Variants in BRAF observed in about 807,000 individuals in gnomAD.
BRAF encodes the protein serine/threonine-protein kinase B-raf.
BRAF carries 16 observed loss-of-function variants against 104.6 expected under a neutral mutation model. That is an observed-to-expected ratio of 0.15 (90% CI 0.10 to 0.23). BRAF has a LOEUF of 0.23. Ranked by LOEUF, BRAF falls within the 10% of genes least tolerant of loss-of-function variation. The probability of loss-of-function intolerance (pLI) is 1.00; values close to 1 mark genes in which losing one functional copy is unlikely to be tolerated. For synonymous variants in BRAF, 310 were observed against 341.6 expected (o/e 0.91, Z 1.02); for missense variants, 541 against 937.3 (o/e 0.58, Z 5.52).
chr7:140,789,967 C>T (rs528185992), intron 8 of BRAF, among the ~76,000 whole-genome samples: 5 of 152,192 alleles, frequency 3.3e-5, no homozygotes, highest in Non-Finnish European at 5.9e-5. Context: ...TGACCTCAGG[C>T]GATCCGCCTG....
intron 3 of BRAF, among the ~76,000 whole-genome samples, chr7:140,830,863 C>T (rs1331602500): frequency 2.6e-5 from 4 of 152,144 alleles, no homozygotes; most frequent in African/African-American, 7.2e-5. Flanking sequence ...TCTGGCTGTT[C>T]GTCTTTTACC....
In BRAF at chr7:140,924,391, A is replaced by C. The variant is rs1011854720; in HGVS notation, c.138+175T>G. Among the ~76,000 whole-genome samples the C allele has an allele frequency of 1.3e-5, 2 of 152,160 alleles. No individual in the cohort carries two copies. The highest frequency in any genetic ancestry group is 1.9e-4 in the East Asian group (1 of 5,162). On this transcript the variant is annotated intron_variant, in intron 1 of 19. Transcript: ENST00000644969. The surrounding 1 kb of genome is among the most constrained non-coding windows in gnomAD (Gnocchi z 4.2). Reference sequence around the variant, plus strand: ...GGCCATTGTGTGTGTTTACGTAGGAAGGCGCTGCATGACGGAGAGGGACAC... The same window carrying C: ...GGCCATTGTGTGTGTTTACGTAGGACGGCGCTGCATGACGGAGAGGGACAC...
chr7:140,819,817 T>C (rs143478807), intron 3 of BRAF, among the ~76,000 whole-genome samples: 9 of 152,222 alleles, frequency 5.9e-5, no homozygotes, highest in Non-Finnish European at 8.8e-5. Flanking sequence ...GGTGGTTACA[T>C]AGGGATGGGA....
intron 1 of BRAF, among the ~76,000 whole-genome samples, chr7:140,856,658 T>C (rs554173782): frequency 1.3e-5 from 2 of 152,190 alleles, no homozygotes; most frequent in African/African-American, 4.8e-5. Context: ...CTGAGAAAAT[T>C]AGCCAAAAGG....
chr7:140,837,396 A>G (rs577042786), intron 2 of BRAF, among the ~76,000 whole-genome samples: 1 of 152,344 alleles, frequency 6.6e-6, no homozygotes, highest in East Asian at 1.9e-4. Flanking sequence ...GTTCAAGGTC[A>G]ACATTAATCT....
intron 19 of BRAF, chr7:140,734,382 TG>T: frequency 2.1e-6 from 3 of 1,395,746 alleles, no homozygotes; most frequent in Non-Finnish European, 2.8e-6. Flanking sequence ...TTTTTAGCAA[TG>T]TCTATGTATT....
At chr7:140,897,528 G>A (rs1275574432) in intron 1 of BRAF, among the ~76,000 whole-genome samples, 14 of 111,152 alleles carry the variant, frequency 1.3e-4, no homozygotes, top group Non-Finnish European at 1.9e-4. Flanking sequence ...ACAGAGTCTT[G>A]CTCTGTCGCC....
At chr7:140,798,113 A>C (rs1302798076) in intron 7 of BRAF, among the ~76,000 whole-genome samples, 1 of 152,188 alleles carries the variant, frequency 6.6e-6, no homozygotes, top group African/African-American at 2.4e-5. Context: ...TGAAAATGTC[A>C]ACTGATTTTG....
In BRAF at chr7:140,723,242, C is replaced by T. The variant is rs1017176863; in HGVS notation, c.*3252G>A. 1.9e-6 allele frequency: 2 copies of T among 1,055,524 alleles called. No homozygotes were observed. The highest frequency in any genetic ancestry group is 5.3e-5 in the East Asian group (1 of 18,888). 65.4% of individuals were successfully genotyped at this position (1,055,524 alleles called of 1,614,324 possible). On this transcript the variant is annotated 3_prime_UTR_variant, in exon 20 of 20. Transcript: ENST00000644969. ...CCGCCTGGTGAATACAAGGTAACAT[C>T]CTGTGATGAAAGTGCTGTCACCGCA...
Position 140,924,721 on chromosome 7 carries a change from G to C in BRAF, c.-18C>G, listed in dbSNP as rs397507453. On this transcript the variant is annotated 5_prime_UTR_variant, in exon 1 of 20. Transcript: ENST00000644969. The surrounding 1 kb of genome is among the most constrained non-coding windows in gnomAD (Gnocchi z 4.2). ...GCCGCCATCTTATAACCGAGAGCCG[G>C]GGCCCGAGCGGCCGCTGTCGGGCGG... The C allele has an allele frequency of 8.3e-5, 72 of 870,246 alleles. No homozygotes were observed. The highest frequency in any genetic ancestry group is 1.0e-4 in the Non-Finnish European group (59 of 563,582). The allele number at this position is 870,246 out of a possible 1,614,324, so 53.9% of individuals were successfully genotyped here.
intron 8 of BRAF, among the ~76,000 whole-genome samples, chr7:140,792,289 C>T (rs1350509166): frequency 6.6e-6 from 1 of 152,050 alleles, no homozygotes; most frequent in Non-Finnish European, 1.5e-5. Context: ...CTCCACTCTA[C>T]CATCAAAGAT....
intron 1 of BRAF, among the ~76,000 whole-genome samples, chr7:140,911,139 G>C (rs552224450): frequency 6.6e-6 from 1 of 152,050 alleles, no homozygotes; most frequent in Non-Finnish European, 1.5e-5. Flanking sequence ...AGTCATTTAA[G>C]TATTAGACAG....
chr7:140,924,020 A>C lies in BRAF; in HGVS notation c.138+546T>G, dbSNP rs887889881. Among the ~76,000 whole-genome samples, 4 of 152,186 alleles carry C rather than the reference A, an allele frequency of 2.6e-5. No homozygotes were observed. The highest frequency in any genetic ancestry group is 5.9e-5 in the Non-Finnish European group (4 of 68,034). ...ATCAAAATAATTTGCTGGGTAAAAC[A>C]GGTGAAGAGAAATCCCCAAATAGAA... On this transcript the variant is annotated intron_variant, in intron 1 of 19. Coordinates refer to ENST00000644969, the MANE Select transcript of BRAF (RefSeq NM_001374258.1). The surrounding 1 kb of genome is among the most constrained non-coding windows in gnomAD (Gnocchi z 4.2).
chr7:140,798,810 T>G (rs1802778216), intron 7 of BRAF, among the ~76,000 whole-genome samples: 1 of 151,930 alleles, frequency 6.6e-6, no homozygotes, highest in Non-Finnish European at 1.5e-5. Flanking sequence ...GTGTCTTCCT[T>G]TTTATTTCCT....
chr7:140,735,271 C>G (rs959744482), intron 18 of BRAF, among the ~76,000 whole-genome samples: 3 of 152,216 alleles, frequency 2.0e-5, no homozygotes, highest in African/African-American at 7.2e-5. Context: ...GAAAGCAGAA[C>G]CTCACAGACC....
intron 14 of BRAF, among the ~76,000 whole-genome samples, chr7:140,760,024 T>G (rs1337921835): frequency 2.6e-5 from 4 of 152,224 alleles, no homozygotes; most frequent in Non-Finnish European, 5.9e-5. Context: ...TGATCAACTG[T>G]ATCAGATGTT....
chr7:140,897,503 T>TA (rs1381055737), intron 1 of BRAF, among the ~76,000 whole-genome samples: 1 of 145,148 alleles, frequency 6.9e-6, no homozygotes. Flanking sequence ...CTTTTTTTTT[T>TA]TTTTTTTTTT....
chr7:140,764,722 T>C (rs1047091670), intron 14 of BRAF, among the ~76,000 whole-genome samples: 2 of 152,094 alleles, frequency 1.3e-5, no homozygotes, highest in Non-Finnish European at 2.9e-5. Context: ...AATAAAATAC[T>C]TAGGAACCCA....
At chr7:140,763,243 C>T (rs928235062) in intron 14 of BRAF, among the ~76,000 whole-genome samples, 10 of 151,668 alleles carry the variant, frequency 6.6e-5, no homozygotes, top group Middle Eastern at 3.4e-3. Context: ...GGGGCTGACC[C>T]CCCAACCTCC....
Sources: allele counts gnomAD v4.1 joint callset (sites outside exome capture counted in the v4.1 genomes callset), GRCh38; gene constraint gnomAD v4.1.1; non-coding constraint Gnocchi (gnomAD v3.1); transcripts MANE v1.5; gene names NCBI Gene and HGNC (gene_info 2026-07-23, HGNC 2026-07-21).